HMCN1: variants seen among roughly 807,000 people sequenced by gnomAD.
The protein encoded by HMCN1 is hemicentin-1.
Under a neutral mutation model 625.9 loss-of-function variants are expected in HMCN1, and 321 were observed. The ratio of observed to expected loss-of-function variants is 0.51; its 90% CI spans 0.47 to 0.56. The LOEUF is 0.56. Among genes scored for constraint, HMCN1 ranks in the 20% least tolerant of loss-of-function variants. HMCN1 has a pLI of 0.00. For missense variants in HMCN1, 6,588 were observed against 6,887.3 expected (o/e 0.96, Z 1.54); for synonymous variants, 2,425 against 2,417.6 (o/e 1.00, Z -0.09).
chr1:186,114,805 G>A lies in HMCN1; in HGVS notation c.11277-14G>A, dbSNP rs1216772902. 51 of 1,614,036 alleles carry A rather than the reference G, an allele frequency of 3.2e-5. No individual in the cohort carries two copies. Among genetic ancestry groups the A allele is most frequent in the Non-Finnish European group, 4.2e-5 (49 of 1,179,930 alleles). ...GGCTGATTCAGAAGACTTCACTTGT[G>A]ATTTCTCTTGTAGATATTCCATCTT... On this transcript the variant is annotated splice_polypyrimidine_tract_variant and intron_variant, in intron 73 of 106. Transcript: ENST00000271588.
chr1:186,157,085 T>C (rs552086645), intron 97 of HMCN1, among the ~76,000 whole-genome samples: 1 of 152,310 alleles, frequency 6.6e-6, no homozygotes, highest in South Asian at 2.1e-4. Context: ...TTAATAGGAT[T>C]TTCAAATGAT....
At chr1:185,924,265 C>G (rs966399443) in intron 8 of HMCN1, among the ~76,000 whole-genome samples, 13 of 109,668 alleles carry the variant, frequency 1.2e-4, no homozygotes, top group Admixed American at 5.4e-4. Context: ...GAGTCTCGCT[C>G]TGTTGCCCAG....
At chr1:185,761,059 A>G (rs557339930) in intron 1 of HMCN1, among the ~76,000 whole-genome samples, 11 of 152,174 alleles carry the variant, frequency 7.2e-5, no homozygotes, top group Admixed American at 2.0e-4. Flanking sequence ...TAGGACAAGG[A>G]GCTGGGAAAA....
In HMCN1 at chr1:185,995,104, G is replaced by A; in HGVS notation, c.3778+17G>A. On this transcript the variant is annotated intron_variant, in intron 24 of 106. Transcript: ENST00000271588. The stretch of plus-strand genomic sequence containing the variant: ...ATGTCCAAGGTGATTCTTGACACAG[G>A]AAAATATATGTATGTAGGGTGGGGA... The A allele has an allele frequency of 6.8e-6, 11 of 1,611,190 alleles. No individual in the cohort carries two copies. The highest frequency in any genetic ancestry group is 9.3e-6 in the Non-Finnish European group (11 of 1,177,486).
chr1:186,114,781 G>C (rs1296079044), intron 73 of HMCN1, 38 bp from the exon 74 acceptor site: 3 of 1,612,814 alleles, frequency 1.9e-6, no homozygotes, highest in Non-Finnish European at 2.5e-6. Context: ...ATCAAAAAAG[G>C]CTGATTCAGA....
intron 81 of HMCN1, among the ~76,000 whole-genome samples, chr1:186,125,314 A>G (rs1661591383): frequency 6.6e-6 from 1 of 152,088 alleles, no homozygotes; most frequent in Non-Finnish European, 1.5e-5. Context: ...AAGACGGAAA[A>G]GTCAGGGAAG....
intron 41 of HMCN1, among the ~76,000 whole-genome samples, chr1:186,047,523 A>G (rs1656656321): frequency 6.6e-6 from 1 of 152,150 alleles, no homozygotes; most frequent in African/African-American, 2.4e-5. Flanking sequence ...ATTCACACAC[A>G]TCTCTAACAA....
rs150334539 is a variant in HMCN1, at chr1:186,164,539, G to C, written c.15257-572G>C. On this transcript the variant is annotated intron_variant, in intron 97 of 106. Coordinates refer to ENST00000271588, the MANE Select transcript of HMCN1 (RefSeq NM_031935.3). ...ATTACAGGCATGAGCCACCATGCCC[G>C]GCTAACTTAAATCTTTTCTATCACA... is the stretch of plus-strand genomic sequence containing the variant. 2.6e-5 allele frequency among the ~76,000 whole-genome samples: 4 copies of C among 152,036 alleles called. No individual in the cohort carries two copies. In the South Asian group the frequency reaches 8.3e-4, roughly 31 times the overall value.
At chr1:185,759,150 T>C (rs898285560) in intron 1 of HMCN1, among the ~76,000 whole-genome samples, 1 of 152,210 alleles carries the variant, frequency 6.6e-6, no homozygotes, top group African/African-American at 2.4e-5. Flanking sequence ...GTGCTGTCTG[T>C]GATTATAAAC....
chr1:185,859,709 A>C lies in HMCN1; in HGVS notation c.340-4761A>C, dbSNP rs146629634. Among the ~76,000 whole-genome samples, 765 of 152,178 alleles carry C rather than the reference A, an allele frequency of 5.0e-3. 9 individuals are homozygous for C. Among genetic ancestry groups the C allele is most frequent in the Non-Finnish European group, 6.3e-3 (428 of 68,006 alleles). ...AATGGAGTCTCGCTGGGAGTCACCC[A>C]GTCTAGAGTGTAGTGGTGCGATCTC... On this transcript the variant is annotated intron_variant, in intron 2 of 106. Coordinates refer to ENST00000271588, the MANE Select transcript of HMCN1 (RefSeq NM_031935.3).
chr1:186,164,240 CTTTT>C (rs57317105), intron 97 of HMCN1, among the ~76,000 whole-genome samples: 1 of 131,544 alleles, frequency 7.6e-6, no homozygotes, highest in Non-Finnish European at 1.6e-5. Flanking sequence ...TAACTTAAAT[CTTTT>C]TTTTTTTTTT....
chr1:186,141,879 A>C (rs1571410780), intron 89 of HMCN1, among the ~76,000 whole-genome samples: 1 of 152,174 alleles, frequency 6.6e-6, no homozygotes, highest in Non-Finnish European at 1.5e-5. Flanking sequence ...CTGCCTGGAG[A>C]CCCATTCCTA....
In HMCN1 at chr1:185,933,758, G is replaced by A; in HGVS notation, c.1762G>A (p.Glu588Lys). The A allele has an allele frequency of 6.2e-7, 1 of 1,613,608 alleles. No individual in the cohort carries two copies. Among genetic ancestry groups the A allele is most frequent in the Non-Finnish European group, 8.5e-7 (1 of 1,179,528 alleles). The change falls in exon 11 of 107, where the codon GAG (glutamate) becomes AAG (lysine). Residue 588 changes from glutamate to lysine, a missense_variant. Transcript: ENST00000271588. ...LKSVKFNDAG[E>K]YHCMVSSEGG... ...GAGTGTGAAATTCAACGATGCTGGA[G>A]AGTATCATTGTATGGTTTCTAGTGA...
chr1:185,734,979 T>C lies in HMCN1; in HGVS notation c.200T>C (p.Leu67Ser), dbSNP rs376373045. The C allele has an allele frequency of 2.0e-5, 32 of 1,614,054 alleles. No individual in the cohort carries two copies. The highest frequency in any genetic ancestry group is 2.6e-5 in the Non-Finnish European group (31 of 1,180,024). The stretch of plus-strand genomic sequence containing the variant: ...GTGATTGAAGGGGCTTCCAAAATTT[T>C]GGAGACGTCTTTGAAAAGACCTAAA... ...VQVIEGASKI[L>S]ETSLKRPKRP... is the part of the protein sequence containing the mutation. Residue 67 changes from leucine (L) to serine (S), a missense_variant, in exon 1 of 107, where the codon TTG becomes TCG. Leu to Ser is a moderately radical substitution (Grantham distance 145, BLOSUM62 -2). Coordinates refer to ENST00000271588, the MANE Select transcript of HMCN1 (RefSeq NM_031935.3).
At chr1:186,056,659 C>T (rs1213728606) in intron 45 of HMCN1, among the ~76,000 whole-genome samples, 1 of 151,858 alleles carries the variant, frequency 6.6e-6, no homozygotes, top group African/African-American at 2.4e-5. Flanking sequence ...AAATCAGATG[C>T]CTCATGTTCT....
intron 1 of HMCN1, among the ~76,000 whole-genome samples, chr1:185,817,970 C>T (rs1659946141): frequency 6.6e-6 from 1 of 152,042 alleles, no homozygotes; most frequent in African/African-American, 2.4e-5. Context: ...CTCTTTTATT[C>T]CTCCATTCCT....
intron 1 of HMCN1, among the ~76,000 whole-genome samples, chr1:185,771,800 G>T (rs1656260454): frequency 6.6e-6 from 1 of 152,082 alleles, no homozygotes; most frequent in Non-Finnish European, 1.5e-5. Context: ...ACAGATAGAG[G>T]TAATTCATCA....
In HMCN1 at chr1:186,128,855, CTGTCAATACTGAGAAA is replaced by C. The variant is rs377312427; in HGVS notation, c.12904+566_12904+581del. 6.2e-3 allele frequency among the ~76,000 whole-genome samples: 949 copies of C among 152,186 alleles called. 12 individuals carry two copies. The highest frequency in any genetic ancestry group is 0.02 in the African/African-American group (850 of 41,538). ...TTAGACTTTGTCATCAGCATAAAGA[CTGTCAATACTGAGAAA>C]TTGTTCTATCCCAAAATTGAGTTCT... On this transcript the variant is annotated intron_variant, in intron 83 of 106. Coordinates refer to ENST00000271588, the MANE Select transcript of HMCN1 (RefSeq NM_031935.3).
intron 80 of HMCN1, among the ~76,000 whole-genome samples, chr1:186,120,803 A>ATAAC (rs1375946289): frequency 6.6e-6 from 1 of 152,232 alleles, no homozygotes; most frequent in African/African-American, 2.4e-5. Context: ...TTCAACATTA[A>ATAAC]TAACTGGAAA....
Sources: gnomAD v4.1 joint callset for allele counts (sites outside exome capture counted in the v4.1 genomes callset) on GRCh38, gnomAD v4.1.1 for gene constraint, MANE v1.5 for transcripts, NCBI Gene and HGNC (gene_info 2026-07-23, HGNC 2026-07-21) for gene names.